The following VWC2 variants were observed in gnomAD, a reference collection of about 807,000 sequenced individuals.
VWC2 encodes von Willebrand factor C domain containing 2, also known as brorin.
VWC2 carries 14 observed loss-of-function variants against 29.8 expected under a neutral mutation model. The observed-to-expected ratio is 0.47, with a 90% CI of 0.31 to 0.74. The LOEUF is 0.74. Among genes scored for constraint, VWC2 ranks in the 30% least tolerant of loss-of-function variants. The pLI is 0.05. For synonymous variants in VWC2, 213 were observed against 199.0 expected, an observed-to-expected ratio of 1.07 and a Z score of -0.59; for missense variants, 457 against 459.8, an observed-to-expected ratio of 0.99 and a Z score of 0.05.
At chr7:49,848,366 A>G (rs1790040980) in intron 3 of VWC2, among the ~76,000 whole-genome samples, 1 of 152,318 alleles carries the variant, frequency 6.6e-6, no homozygotes, top group African/African-American at 2.4e-5. Context: ...CCCCACTGAC[A>G]AGAGGAAGCA....
chr7:49,857,905 G>T (rs1383114115), intron 3 of VWC2, among the ~76,000 whole-genome samples: 1 of 152,092 alleles, frequency 6.6e-6, no homozygotes, highest in Non-Finnish European at 1.5e-5. Flanking sequence ...AGCTAAGTTT[G>T]GTGTTTCCAC....
chr7:49,837,384 C>A (rs1789687766), intron 3 of VWC2, among the ~76,000 whole-genome samples: 1 of 152,222 alleles, frequency 6.6e-6, no homozygotes, highest in African/African-American at 2.4e-5. Flanking sequence ...TAACAAGTCA[C>A]CTCGATGATG....
At chr7:49,881,060 C>T (rs1268005675) in intron 3 of VWC2, among the ~76,000 whole-genome samples, 1 of 152,114 alleles carries the variant, frequency 6.6e-6, no homozygotes, top group Non-Finnish European at 1.5e-5. Flanking sequence ...TCTCTGTTGG[C>T]CAATATCTTG....
intron 2 of VWC2, among the ~76,000 whole-genome samples, chr7:49,779,079 G>A (rs1030763203): frequency 4.6e-5 from 7 of 152,064 alleles, no homozygotes; most frequent in Non-Finnish European, 8.8e-5. Flanking sequence ...GAGAGAGAGG[G>A]GAAATTACTA....
chr7:49,816,592 G>A (rs539795708), intron 3 of VWC2, among the ~76,000 whole-genome samples: 2 of 152,250 alleles, frequency 1.3e-5, no homozygotes, highest in African/African-American at 4.8e-5. Context: ...GGTCTTCAAG[G>A]AATAAAGGAT....
chr7:49,912,193 C>T lies in VWC2; in HGVS notation c.*8C>T, dbSNP rs755507252. ...GAATGCAGGCAAATGTAGACGCTTC[C>T]CAGAACACAAACTCTGACTTTTTCT... is the stretch of plus-strand genomic sequence containing the variant. On this transcript the variant is annotated 3_prime_UTR_variant, in exon 4 of 4. Transcript: ENST00000340652. 1.1e-5 allele frequency: 17 copies of T among 1,613,022 alleles called. No homozygotes were observed. The African/African-American group carries it at 2.3e-4, about 22-fold the overall frequency.
chr7:49,887,573 CTG>C (rs1791955170), intron 3 of VWC2, among the ~76,000 whole-genome samples: 8 of 152,120 alleles, frequency 5.3e-5, no homozygotes, highest in Admixed American at 4.6e-4. Flanking sequence ...TCATTTGTGT[CTG>C]TATGATAATC....
chr7:49,802,648 A>G (rs1788769439), intron 2 of VWC2, 63 bp from the exon 3 acceptor site: 1 of 1,603,058 alleles, frequency 6.2e-7, no homozygotes, highest in African/African-American at 1.3e-5. Flanking sequence ...AAAAAAATAT[A>G]TATGACCCTG....
intron 3 of VWC2, among the ~76,000 whole-genome samples, chr7:49,877,478 AAAAATAT>A (rs1474108090): frequency 2.8e-4 from 11 of 39,146 alleles, no homozygotes; most frequent in African/African-American, 1.0e-3. Context: ...AAAAAAAAAA[AAAAATAT>A]ATATATATAT....
intron 3 of VWC2, among the ~76,000 whole-genome samples, chr7:49,837,498 T>A (rs906423639): frequency 1.3e-5 from 2 of 152,096 alleles, no homozygotes; most frequent in African/African-American, 4.8e-5. Context: ...TCACTTTGAG[T>A]TTTGCCTTGG....
At chr7:49,786,262 AC>A (rs1358088490) in intron 2 of VWC2, among the ~76,000 whole-genome samples, 6 of 152,192 alleles carry the variant, frequency 3.9e-5, no homozygotes. Flanking sequence ...GCATTAATTC[AC>A]TTAGGGTAGT....
intron 3 of VWC2, among the ~76,000 whole-genome samples, chr7:49,818,825 T>TATATATATTCAATATATATC (rs1476121973): frequency 6.8e-6 from 1 of 147,818 alleles, no homozygotes; most frequent in African/African-American, 2.5e-5. Context: ...GCCTCCTTTA[T>TATATATATTCAATATATATC]ATATATATTC....
intron 3 of VWC2, among the ~76,000 whole-genome samples, chr7:49,834,664 T>C (rs1459069789): frequency 6.6e-6 from 1 of 152,214 alleles, no homozygotes; most frequent in Non-Finnish European, 1.5e-5. Flanking sequence ...ATATCTAGCT[T>C]AGTTTGGAAA....
In VWC2 at chr7:49,881,156, C is replaced by G. The variant is rs1332157574; in HGVS notation, c.827-30878C>G. Among the ~76,000 whole-genome samples, 9 of 152,242 alleles carry G rather than the reference C, an allele frequency of 5.9e-5. No homozygotes were observed. The East Asian group carries it at 1.5e-3, about 26-fold the overall frequency. ...TTGACTTGTATTCAGTTGTCCTGAGCCTTCGGGGCTACTAGGCTCAGGAGG... is the reference window on the plus strand; with the variant it reads ...TTGACTTGTATTCAGTTGTCCTGAGGCTTCGGGGCTACTAGGCTCAGGAGG... On this transcript the variant is annotated intron_variant, in intron 3 of 3. Transcript: ENST00000340652.
intron 3 of VWC2, among the ~76,000 whole-genome samples, chr7:49,903,588 T>C (rs949561940): frequency 1.3e-5 from 2 of 152,126 alleles, no homozygotes; most frequent in Non-Finnish European, 1.5e-5. Context: ...TTAAAGATGG[T>C]GGGGCCAGAG....
chr7:49,903,933 G>A (rs1461156046), intron 3 of VWC2, among the ~76,000 whole-genome samples: 1 of 152,130 alleles, frequency 6.6e-6, no homozygotes, highest in Non-Finnish European at 1.5e-5. Context: ...GGCAATGTCT[G>A]GTTTACATAG....
rs59910243 is a variant in VWC2, at chr7:49,857,009, C to CAAAAAAAAAAAAAAAAAA, written c.826+54184_826+54201dup. Among the ~76,000 whole-genome samples the CAAAAAAAAAAAAAAAAAA allele has an allele frequency of 1.1e-4, 6 of 52,786 alleles. No individual in the cohort carries two copies. The Admixed American group carries it at 1.2e-3, about 10-fold the overall frequency. 34.6% of individuals were successfully genotyped at this position (52,786 alleles called of 152,430 possible). A position where few individuals can be genotyped will look rare whatever the true frequency, so the allele number is the denominator to read the frequency against. On this transcript the variant is annotated intron_variant, in intron 3 of 3. Coordinates refer to ENST00000340652, the MANE Select transcript of VWC2 (RefSeq NM_198570.5). ...TGGGTGACAGAGCCAGATACTGTCT[C>CAAAAAAAAAAAAAAAAAA]AAAAAAAAAAAAAAAAAAAAAAAAA...
intron 3 of VWC2, among the ~76,000 whole-genome samples, chr7:49,850,921 C>A (rs1446076536): frequency 6.6e-6 from 1 of 152,210 alleles, no homozygotes; most frequent in African/African-American, 2.4e-5. Flanking sequence ...GATTGTGGCA[C>A]CAGGCTCCAT....
intron 2 of VWC2, among the ~76,000 whole-genome samples, chr7:49,784,424 T>C (rs1489728211): frequency 6.6e-6 from 1 of 152,242 alleles, no homozygotes; most frequent in Non-Finnish European, 1.5e-5. Flanking sequence ...AAGTCTGCCT[T>C]GAAGTTGTGG....
Sources: gnomAD v4.1 joint callset for allele counts (sites outside exome capture counted in the v4.1 genomes callset) on GRCh38, gnomAD v4.1.1 for gene constraint, MANE v1.5 for transcripts, NCBI Gene and HGNC (gene_info 2026-07-23, HGNC 2026-07-21) for gene names.